Variants in SH3PXD2A observed in about 807,000 individuals in gnomAD.
SH3PXD2A encodes SH3 and PX domain-containing protein 2A.
SH3PXD2A carries 32 observed loss-of-function variants against 115.2 expected under a neutral mutation model. The ratio of observed to expected loss-of-function variants is 0.28; its 90% CI spans 0.21 to 0.37. The LOEUF is 0.37. SH3PXD2A is among the 10% of genes least tolerant of loss of function. SH3PXD2A has a pLI of 1.00. For synonymous variants in SH3PXD2A, 610 were observed against 629.1 expected (o/e 0.97, Z 0.45); for missense variants, 1,328 against 1,498.7 (o/e 0.89, Z 1.88).
At chr10:103,762,329 G>A (rs1191675912) in intron 3 of SH3PXD2A, among the ~76,000 whole-genome samples, 3 of 152,122 alleles carry the variant, frequency 2.0e-5, no homozygotes, top group Non-Finnish European at 2.9e-5. Flanking sequence ...CGCCCAACAT[G>A]TCTTAACAAA....
chr10:103,766,995 C>T (rs1236488639), intron 3 of SH3PXD2A, 99 bp downstream of exon 3: 4 of 865,082 alleles, frequency 4.6e-6, no homozygotes, highest in Non-Finnish European at 7.6e-6. Context: ...TGGGCATGCC[C>T]CGCCCAGAAT....
chr10:103,746,948 A>G lies in SH3PXD2A; in HGVS notation c.230-11140T>C, dbSNP rs2038510743. 1 of 152,228 alleles carries G rather than the reference A, an allele frequency of 6.6e-6. No homozygotes were observed. The highest frequency in any genetic ancestry group is 2.4e-5 in the African/African-American group (1 of 41,422). The allele number at this position is 152,228 out of a possible 1,614,324, so 9.4% of individuals were successfully genotyped here. On this transcript the variant is annotated intron_variant, in intron 3 of 14. Transcript: ENST00000369774. The surrounding 1 kb of genome is among the most constrained non-coding windows in gnomAD (Gnocchi z 4.4). ...TGTTTCCCTCCCAGAATCTGCCACC[A>G]TTGATAATGATCTTCTGAACCTGCC...
At chr10:103,700,772 T>C (rs1481625672) in intron 5 of SH3PXD2A, among the ~76,000 whole-genome samples, 3 of 152,156 alleles carry the variant, frequency 2.0e-5, no homozygotes, top group African/African-American at 7.2e-5. Flanking sequence ...TGCCAGACTG[T>C]TCTTGGCTAT....
chr10:103,678,389 G>A (rs1285445107), intron 6 of SH3PXD2A, among the ~76,000 whole-genome samples: 1 of 152,262 alleles, frequency 6.6e-6, no homozygotes, highest in Non-Finnish European at 1.5e-5. Context: ...CCAGAAGGCT[G>A]CAGCTGAGAG....
intron 2 of SH3PXD2A, among the ~76,000 whole-genome samples, chr10:103,795,936 A>C (rs944657824): frequency 4.0e-5 from 6 of 149,850 alleles, no homozygotes; most frequent in African/African-American, 1.5e-4. Context: ...GGAAGGCAGG[A>C]AGGAAGGAAG....
intron 6 of SH3PXD2A, among the ~76,000 whole-genome samples, chr10:103,687,011 G>C (rs1047693161): frequency 6.6e-6 from 1 of 152,180 alleles, no homozygotes; most frequent in East Asian, 1.9e-4. Flanking sequence ...GTCTCCCAAA[G>C]TGCTGGGATT....
At chr10:103,700,941 C>T (rs1211425343) in intron 5 of SH3PXD2A, among the ~76,000 whole-genome samples, 2 of 147,464 alleles carry the variant, frequency 1.4e-5, no homozygotes, top group Non-Finnish European at 3.0e-5. Context: ...CTCTCCAAGT[C>T]CATCCATCAT....
intron 6 of SH3PXD2A, among the ~76,000 whole-genome samples, chr10:103,684,950 G>GT (rs949111214): frequency 3.3e-5 from 5 of 152,018 alleles, no homozygotes; most frequent in African/African-American, 1.2e-4. Flanking sequence ...AAGCCAGGAG[G>GT]TCAAGTCTGC....
intron 3 of SH3PXD2A, among the ~76,000 whole-genome samples, chr10:103,763,548 G>A (rs942980883): frequency 5.3e-5 from 8 of 152,190 alleles, no homozygotes; most frequent in African/African-American, 1.9e-4. Context: ...TGCTGCTGGG[G>A]GTGAGCCTGG....
chr10:103,607,565 C>T (rs1378531392), intron 13 of SH3PXD2A, among the ~76,000 whole-genome samples: 3 of 148,866 alleles, frequency 2.0e-5, no homozygotes, highest in Non-Finnish European at 4.5e-5. Context: ...CCGCCCCGTC[C>T]GGGAGGTGAG....
intron 5 of SH3PXD2A, 57 bp downstream of exon 5, chr10:103,724,213 C>A (rs984197795): frequency 2.3e-5 from 21 of 920,548 alleles, no homozygotes; most frequent in Admixed American, 3.3e-5. Flanking sequence ...CCCAGGCTGG[C>A]CATTGCTTTA....
At chr10:103,691,711 A>G (rs2037753718) in intron 6 of SH3PXD2A, among the ~76,000 whole-genome samples, 1 of 151,978 alleles carries the variant, frequency 6.6e-6, no homozygotes, top group East Asian at 1.9e-4. Context: ...ATACACACAA[A>G]CACAGACTCC....
intron 2 of SH3PXD2A, among the ~76,000 whole-genome samples, chr10:103,783,343 C>A (rs1426242844): frequency 6.6e-6 from 1 of 152,156 alleles, no homozygotes; most frequent in African/African-American, 2.4e-5. Flanking sequence ...AATGTGGAGA[C>A]CCCTGAGGAG....
At chr10:103,635,632 C>G (rs1171033634) in intron 8 of SH3PXD2A, among the ~76,000 whole-genome samples, 1 of 152,238 alleles carries the variant, frequency 6.6e-6, no homozygotes, top group Non-Finnish European at 1.5e-5. Flanking sequence ...AACCTTTATT[C>G]TGGAGTCTCT....
At chr10:103,723,056 TGGGCACATTCACAGAAA>T (rs1743600363) in intron 5 of SH3PXD2A, among the ~76,000 whole-genome samples, 1 of 152,160 alleles carries the variant, frequency 6.6e-6, no homozygotes, top group Non-Finnish European at 1.5e-5. Context: ...TACAACCTCA[TGGGCACATTCACAGAAA>T]GTGCAGTGTG....
At chr10:103,785,759 C>T (rs1292245489) in intron 2 of SH3PXD2A, among the ~76,000 whole-genome samples, 2 of 152,020 alleles carry the variant, frequency 1.3e-5, no homozygotes, top group Admixed American at 6.5e-5. Context: ...TCACTAATCC[C>T]AGCAGGAGAC....
intron 5 of SH3PXD2A, among the ~76,000 whole-genome samples, chr10:103,697,509 G>A (rs1001605142): frequency 2.0e-5 from 3 of 152,088 alleles, no homozygotes; most frequent in South Asian, 2.1e-4. Flanking sequence ...TTGGGCTTTC[G>A]CAAATGCCAG....
chr10:103,719,556 G>C (rs939101400), intron 5 of SH3PXD2A, among the ~76,000 whole-genome samples: 1 of 152,140 alleles, frequency 6.6e-6, no homozygotes, highest in African/African-American at 2.4e-5. Context: ...TGGGTGCTGG[G>C]GATACAGCTG....
rs750383753 is a variant in SH3PXD2A at position 103,665,878 on chromosome 10, C to A, written c.472+2730G>T. 6.6e-6 allele frequency among the ~76,000 whole-genome samples: 1 copy of A among 152,132 alleles called. No homozygotes were observed. Among genetic ancestry groups the A allele is most frequent in the Non-Finnish European group, 1.5e-5 (1 of 68,008 alleles). On this transcript the variant is annotated intron_variant, in intron 7 of 14. Transcript: ENST00000369774. This position sits in a 1 kb window ranked among gnomAD's most constrained non-coding sequence, Gnocchi z 4.0. ...GGTGTACCTCTTCTAGACAGCAGAGCCTCTCCTGGGTTGGAAGGGGCCTTT... is the reference window on the plus strand; with the variant it reads ...GGTGTACCTCTTCTAGACAGCAGAGACTCTCCTGGGTTGGAAGGGGCCTTT...
Sources: gnomAD v4.1 joint callset for allele counts (sites outside exome capture counted in the v4.1 genomes callset) on GRCh38, gnomAD v4.1.1 for gene constraint, Gnocchi (gnomAD v3.1) non-coding constraint, MANE v1.5 for transcripts, NCBI Gene and HGNC (gene_info 2026-07-23, HGNC 2026-07-21) for gene names.